Variants in PIR observed in about 807,000 individuals in gnomAD.
PIR encodes the protein pirin.
Under a neutral mutation model 24.2 loss-of-function variants are expected in PIR, and 22 were observed. That is an observed-to-expected ratio of 0.91 (90% CI 0.65 to 1.30). PIR has a LOEUF of 1.30. Ranked by LOEUF, PIR falls within the 50% of genes most tolerant of loss-of-function variation. PIR has a pLI of 0.00. For missense variants in PIR, 220 were observed against 220.3 expected, an observed-to-expected ratio of 1.00 and a Z score of 0.01; for synonymous variants, 80 against 79.6, an observed-to-expected ratio of 1.00 and a Z score of -0.03.
At chrX:15,391,720 A>G (rs1017634952) in intron 8 of PIR, among the ~76,000 whole-genome samples, 3 of 111,446 alleles carry the variant, frequency 2.7e-5, no homozygotes, top group Non-Finnish European at 5.6e-5. Context: ...GTTAGTTGTA[A>G]CAGGTAGTCA....
chrX:15,417,060 G>A (rs776234121), intron 6 of PIR, among the ~76,000 whole-genome samples: 3 of 109,021 alleles, frequency 2.8e-5, no homozygotes, highest in Admixed American at 9.7e-5. Context: ...GCCAATCCCC[G>A]CCCCCCTCCA....
chrX:15,394,926 C>G (rs1924077913), intron 8 of PIR, among the ~76,000 whole-genome samples: 1 of 112,162 alleles, frequency 8.9e-6, no homozygotes, highest in Non-Finnish European at 1.9e-5. Flanking sequence ...ACTGCCCATA[C>G]TACTGGTCAA....
chrX:15,385,924 C>T (rs980550320), intron 9 of PIR, among the ~76,000 whole-genome samples: 4 of 112,041 alleles, frequency 3.6e-5, no homozygotes, highest in African/African-American at 1.3e-4. Context: ...TAAAAATGTA[C>T]AAGAAGTCCT....
At chrX:15,466,090 G>T (rs1488146036) in intron 3 of PIR, among the ~76,000 whole-genome samples, 1 of 98,620 alleles carries the variant, frequency 1.0e-5, no homozygotes, top group Non-Finnish European at 2.0e-5. Flanking sequence ...TGAGGTCATG[G>T]CTGATGAGAG....
At chrX:15,452,944 C>T (rs1239583551) in intron 5 of PIR, among the ~76,000 whole-genome samples, 3 of 112,260 alleles carry the variant, frequency 2.7e-5, no homozygotes, top group Non-Finnish European at 5.6e-5. Context: ...TATAAATACA[C>T]TAATCTCTTG....
intron 6 of PIR, among the ~76,000 whole-genome samples, chrX:15,415,779 A>G (rs1184382155): frequency 9.0e-6 from 1 of 111,684 alleles, no homozygotes; most frequent in Non-Finnish European, 1.9e-5. Context: ...AAACAATTAA[A>G]AAAACCATTC....
chrX:15,441,789 G>A (rs1379025896), intron 5 of PIR, among the ~76,000 whole-genome samples: 2 of 111,415 alleles, frequency 1.8e-5, no homozygotes, highest in Non-Finnish European at 3.8e-5. Context: ...CTTCTGTCAA[G>A]AGGTAAGCCT....
rs762585203 is a variant in PIR, at chrX:15,491,396, G to A, written c.-52-87C>T. 33 of 420,536 alleles carry A rather than the reference G, an allele frequency of 7.8e-5. No individual in the cohort carries two copies. In the South Asian group the frequency reaches 8.5e-4, roughly 11 times the overall value. 34.7% of individuals were successfully genotyped at this position (420,536 alleles called of 1,213,427 possible). On this transcript the variant is annotated intron_variant, in intron 1 of 9. Transcript: ENST00000380420. ...AATAAATGATATTAAGATTAGATGC[G>A]CAAAATAGTAGCAGCTACAATTTGT...
intron 5 of PIR, among the ~76,000 whole-genome samples, chrX:15,437,712 T>C (rs1429030471): frequency 1.8e-5 from 2 of 112,682 alleles, no homozygotes; most frequent in African/African-American, 6.5e-5. Context: ...AGATAAACTA[T>C]TACCAGCATC....
At chrX:15,394,627 G>A (rs982223495) in intron 8 of PIR, among the ~76,000 whole-genome samples, 8 of 111,508 alleles carry the variant, frequency 7.2e-5, no homozygotes, top group South Asian at 3.8e-4. Flanking sequence ...ACTCCTGATC[G>A]TGGAGCCATC....
At chrX:15,409,265 A>ACTTTTT (rs769833028) in intron 6 of PIR, among the ~76,000 whole-genome samples, 2 of 100,764 alleles carry the variant, frequency 2.0e-5, no homozygotes, top group African/African-American at 7.6e-5. Flanking sequence ...TGCCCAGCTA[A>ACTTTTT]TTTTTGTATT....
intron 6 of PIR, among the ~76,000 whole-genome samples, chrX:15,409,911 T>C (rs995554540): frequency 5.4e-5 from 6 of 110,683 alleles, no homozygotes; most frequent in African/African-American, 2.0e-4. Flanking sequence ...ATCTGTGTTT[T>C]CAGTTTTTTT....
At chrX:15,459,995 A>G (rs1414350797) in intron 3 of PIR, among the ~76,000 whole-genome samples, 1 of 111,092 alleles carries the variant, frequency 9.0e-6, no homozygotes, top group African/African-American at 3.3e-5. Flanking sequence ...AGGTATATGA[A>G]AAGGTAGTCA....
At chrX:15,461,174 T>A (rs1341146841) in intron 3 of PIR, among the ~76,000 whole-genome samples, 1 of 111,585 alleles carries the variant, frequency 9.0e-6, no homozygotes, top group Non-Finnish European at 1.9e-5. Context: ...GAGAGACAGC[T>A]CCTGTTGAAC....
intron 2 of PIR, among the ~76,000 whole-genome samples, chrX:15,486,502 G>A (rs1922840103): frequency 9.0e-6 from 1 of 110,543 alleles, no homozygotes; most frequent in Admixed American, 9.6e-5. Context: ...GTACATAAAA[G>A]GTACTCCATA....
intron 7 of PIR, among the ~76,000 whole-genome samples, chrX:15,403,526 G>T (rs1214940685): frequency 9.0e-6 from 1 of 111,321 alleles, no homozygotes; most frequent in Non-Finnish European, 1.9e-5. Context: ...GCAGGGAAGA[G>T]ATTTGGTACT....
intron 5 of PIR, among the ~76,000 whole-genome samples, chrX:15,440,059 C>A (rs986154269): frequency 9.0e-6 from 1 of 111,045 alleles, no homozygotes; most frequent in African/African-American, 3.3e-5. Flanking sequence ...TATTCCATGG[C>A]ACAGGGTCAT....
intron 6 of PIR, among the ~76,000 whole-genome samples, chrX:15,418,500 G>A (rs192812042): frequency 0.094 from 10,463 of 111,349 alleles, 460 homozygotes; most frequent in Non-Finnish European, 0.14. Flanking sequence ...TATAAAAAAC[G>A]TGTGGCCAAT....
chrX:15,402,061 T>C (rs1019971658), intron 7 of PIR, among the ~76,000 whole-genome samples: 14 of 111,894 alleles, frequency 1.3e-4, no homozygotes, highest in African/African-American at 1.9e-4. Context: ...AAAATACTCC[T>C]GTAGCAATTT....
Sources: gnomAD v4.1 joint callset for allele counts (sites outside exome capture counted in the v4.1 genomes callset) on GRCh38, gnomAD v4.1.1 for gene constraint, MANE v1.5 for transcripts, NCBI Gene and HGNC (gene_info 2026-07-23, HGNC 2026-07-21) for gene names.